Variants in GLIS1 observed in about 807,000 individuals in gnomAD.
GLIS1 encodes the protein zinc finger protein GLIS1.
In GLIS1, 24 loss-of-function variants were observed where a neutral mutation model predicts 63.8. The ratio of observed to expected loss-of-function variants is 0.38; its 90% CI spans 0.27 to 0.53. The LOEUF is 0.53. Among genes scored for constraint, GLIS1 ranks in the 20% least tolerant of loss-of-function variants. The probability of loss-of-function intolerance (pLI) is 0.85; values close to 1 mark genes in which losing one functional copy is unlikely to be tolerated. For missense variants in GLIS1, 1,036 were observed against 1,074.1 expected (o/e 0.96, Z 0.50); for synonymous variants, 450 against 482.5 (o/e 0.93, Z 0.88).
At position 53,594,038 on chromosome 1, in the gene GLIS1, T is replaced by C. The variant is rs185823869; in HGVS notation, c.1320+70A>G. On this transcript the variant is annotated intron_variant, in intron 4 of 10. Transcript: ENST00000628545. ...GGACGGAGTCCCAGGCGGCCTCTCC[T>C]GGGGCACTGGGGTGAGTGCTGCTCT... 7.1e-5 allele frequency: 108 copies of C among 1,511,998 alleles called. No individual in the cohort carries two copies. The African/African-American group carries it at 1.4e-3, about 19-fold the overall frequency. 93.7% of individuals were successfully genotyped at this position (1,511,998 alleles called of 1,614,324 possible).
At chr1:53,521,549 G>A (rs1644409042) in intron 6 of GLIS1, among the ~76,000 whole-genome samples, 1 of 152,186 alleles carries the variant, frequency 6.6e-6, no homozygotes, top group South Asian at 2.1e-4. Flanking sequence ...AGGCTGCCAT[G>A]AGGAGTAATG....
intron 4 of GLIS1, among the ~76,000 whole-genome samples, chr1:53,561,612 C>G (rs1481926824): frequency 6.6e-6 from 1 of 152,216 alleles, no homozygotes; most frequent in African/African-American, 2.4e-5. Flanking sequence ...GGCAGCTGCT[C>G]CCTGGCCATA....
intron 2 of GLIS1, among the ~76,000 whole-genome samples, chr1:53,626,672 A>G (rs1186595838): frequency 6.6e-6 from 1 of 152,262 alleles, no homozygotes; most frequent in Non-Finnish European, 1.5e-5. Context: ...CAGAACAGAA[A>G]TTCACCAAGT....
At chr1:53,512,957 T>C (rs1320943362) in intron 8 of GLIS1, among the ~76,000 whole-genome samples, 1 of 152,140 alleles carries the variant, frequency 6.6e-6, no homozygotes, top group African/African-American at 2.4e-5. Flanking sequence ...GTCAGGCGTG[T>C]GTACGGCCCT....
chr1:53,592,736 C>T (rs575239638), intron 4 of GLIS1, among the ~76,000 whole-genome samples: 2 of 152,384 alleles, frequency 1.3e-5, no homozygotes, highest in East Asian at 3.9e-4. Context: ...CACTGCTCCA[C>T]ACACCAGAAT....
chr1:53,661,457 A>G (rs1306352097), intron 2 of GLIS1, among the ~76,000 whole-genome samples: 1 of 152,226 alleles, frequency 6.6e-6, no homozygotes, highest in Non-Finnish European at 1.5e-5. Context: ...GGTTTTTATT[A>G]GAAACAATCC....
Position 53,738,126 on chromosome 1 carries a change from C to G in GLIS1, c.-42-20G>C, listed in dbSNP as rs1186689965. 3 of 1,209,606 alleles carry G rather than the reference C, an allele frequency of 2.5e-6. No individual in the cohort carries two copies. The highest frequency in any genetic ancestry group is 3.1e-5 in the African/African-American group (2 of 63,932). The allele number at this position is 1,209,606 out of a possible 1,614,324, so 74.9% of individuals were successfully genotyped here. On this transcript the variant is annotated intron_variant, in intron 1 of 10. Transcript: ENST00000628545. ...GGGCTCCTGGGGAGGGGAGACAGCA[C>G]AGCCAGTTAGAATGCGGAAAGCGGC...
intron 3 of GLIS1, among the ~76,000 whole-genome samples, chr1:53,597,973 A>C (rs979083003): frequency 1.3e-5 from 2 of 152,212 alleles, no homozygotes; most frequent in Non-Finnish European, 2.9e-5. Flanking sequence ...GAGAGATAAT[A>C]GAATGAATTT....
At position 53,506,345 on chromosome 1, in the gene GLIS1, C is replaced by T; in HGVS notation, c.*274G>A. The T allele has an allele frequency of 2.2e-6, 1 of 456,598 alleles. No individual in the cohort carries two copies. The highest frequency in any genetic ancestry group is 5.3e-5 in the South Asian group (1 of 18,852). The allele number at this position is 456,598 out of a possible 1,614,324, so 28.3% of individuals were successfully genotyped here. A position where few individuals can be genotyped will look rare whatever the true frequency, so the allele number is the denominator to read the frequency against. ...TTTATATACACGAGGTCTGTGATTT[C>T]AAAACCACTGCGGGGAGGAACGGGA... is the stretch of plus-strand genomic sequence containing the variant. On this transcript the variant is annotated 3_prime_UTR_variant, in exon 11 of 11. Coordinates refer to ENST00000628545, the MANE Select transcript of GLIS1 (RefSeq NM_001367484.1).
chr1:53,724,082 C>T (rs1646782590), intron 2 of GLIS1, among the ~76,000 whole-genome samples: 1 of 152,196 alleles, frequency 6.6e-6, no homozygotes, highest in Non-Finnish European at 1.5e-5. Flanking sequence ...TAGGACAGAT[C>T]CTAGGACTCA....
intron 2 of GLIS1, among the ~76,000 whole-genome samples, chr1:53,653,811 G>A (rs748165807): frequency 6.6e-6 from 1 of 151,978 alleles, no homozygotes; most frequent in Non-Finnish European, 1.5e-5. Flanking sequence ...CACCATCCCC[G>A]CCCTCCCCAT....
At chr1:53,658,025 G>A (rs537149530) in intron 2 of GLIS1, among the ~76,000 whole-genome samples, 78 of 152,116 alleles carry the variant, frequency 5.1e-4, no homozygotes, top group Admixed American at 4.8e-3. Flanking sequence ...GCCCTGTGGG[G>A]TCTTGATCAC....
At chr1:53,541,289 C>T (rs1471284128) in intron 4 of GLIS1, among the ~76,000 whole-genome samples, 2 of 152,200 alleles carry the variant, frequency 1.3e-5, no homozygotes, top group Non-Finnish European at 2.9e-5. Flanking sequence ...CAGGAGATCT[C>T]CTTTAGGGGA....
At position 53,625,517 on chromosome 1, in the gene GLIS1, T is replaced by TTCATTCAAGTAG. The variant is rs576650534; in HGVS notation, c.260-25251_260-25240dup. 9.8e-5 allele frequency among the ~76,000 whole-genome samples: 15 copies of TTCATTCAAGTAG among 152,338 alleles called. No homozygotes were observed. In the East Asian group the frequency reaches 2.9e-3, roughly 29 times the overall value. On this transcript the variant is annotated intron_variant, in intron 2 of 10. Coordinates refer to ENST00000628545, the MANE Select transcript of GLIS1 (RefSeq NM_001367484.1). ...TAAGCAAACCATTTTCATTCATTAA[T>TTCATTCAAGTAG]TCATTCAAGTAGTCATTCAAAAAAC...
At chr1:53,605,952 A>T (rs1418366711) in intron 2 of GLIS1, among the ~76,000 whole-genome samples, 1 of 152,140 alleles carries the variant, frequency 6.6e-6, no homozygotes, top group Non-Finnish European at 1.5e-5. Context: ...GACTTAGGGG[A>T]GTGGAACAAG....
intron 2 of GLIS1, among the ~76,000 whole-genome samples, chr1:53,674,747 G>A (rs1431029685): frequency 6.6e-6 from 1 of 152,182 alleles, no homozygotes; most frequent in Non-Finnish European, 1.5e-5. Context: ...CTGATCCAGA[G>A]GCCCCTGGGA....
chr1:53,709,421 C>CATATATATATAT (rs749053965), intron 2 of GLIS1, among the ~76,000 whole-genome samples: 1 of 42,380 alleles, frequency 2.4e-5, no homozygotes, highest in African/African-American at 5.1e-5. Flanking sequence ...TACACACACA[C>CATATATATATAT]ACACACACAC....
In GLIS1 at chr1:53,595,034, C is replaced by T. The variant is rs1206374246; in HGVS notation, c.438-44G>A. 13 of 1,386,360 alleles carry T rather than the reference C, an allele frequency of 9.4e-6. No homozygotes were observed. The East Asian group carries it at 3.3e-4, about 35-fold the overall frequency. 85.9% of individuals were successfully genotyped at this position (1,386,360 alleles called of 1,614,324 possible). A position where few individuals can be genotyped will look rare whatever the true frequency, so the allele number is the denominator to read the frequency against. On this transcript the variant is annotated intron_variant, in intron 3 of 10. Transcript: ENST00000628545. ...AGAGGTCATGAGAGGCTGGGCTCGC[C>T]ACAGAGGGAAGGCTCAGGTGGGGGC...
chr1:53,524,237 T>C (rs1644440734), intron 6 of GLIS1, among the ~76,000 whole-genome samples: 1 of 152,184 alleles, frequency 6.6e-6, no homozygotes, highest in African/African-American at 2.4e-5. Context: ...CACTCCGCGC[T>C]CACACCCCTA....
Sources: allele counts gnomAD v4.1 joint callset (sites outside exome capture counted in the v4.1 genomes callset), GRCh38; gene constraint gnomAD v4.1.1; transcripts MANE v1.5; gene names NCBI Gene and HGNC (gene_info 2026-07-23, HGNC 2026-07-21).